PPDPFL: variants seen among roughly 807,000 people sequenced by gnomAD.
PPDPFL encodes the protein pancreatic progenitor cell differentiation and proliferation factor like, also known as pancreatic progenitor cell differentiation and proliferation factor-like protein.
Under a neutral mutation model 12.6 loss-of-function variants are expected in PPDPFL, and 12 were observed. That is an observed-to-expected ratio of 0.95 (90% confidence interval 0.61 to 1.54). The LOEUF is 1.54. PPDPFL is among the 40% of genes most tolerant of loss of function. The pLI, the probability that PPDPFL is intolerant of heterozygous loss-of-function variation, is 0.00. For synonymous variants in PPDPFL, 24 were observed against 32.7 expected, an observed-to-expected ratio of 0.73 and a Z score of 0.91; for missense variants, 114 against 96.0, an observed-to-expected ratio of 1.19 and a Z score of -0.78.
chr8:49,071,607 A>G (rs4873309), upstream of PPDPFL, among the ~76,000 whole-genome samples: 52,189 of 151,694 alleles, frequency 0.34, 9,273 homozygotes, highest in Non-Finnish European at 0.39. Flanking sequence ...AGTGAGCCCA[A>G]ATCGCGCCAC....
At chr8:49,058,936 T>C (rs559400079) in intron 1 of PPDPFL, among the ~76,000 whole-genome samples, 36 of 152,326 alleles carry the variant, frequency 2.4e-4, no homozygotes, top group African/African-American at 7.7e-4. Flanking sequence ...ATAAATATCC[T>C]AATGGCAGGG....
chr8:49,067,352 C>T (rs1808315421), upstream of PPDPFL, among the ~76,000 whole-genome samples: 1 of 152,194 alleles, frequency 6.6e-6, no homozygotes, highest in Non-Finnish European at 1.5e-5. Context: ...AGTGACTATG[C>T]TATGCTTAAT....
intron 1 of PPDPFL, among the ~76,000 whole-genome samples, chr8:49,061,046 G>T (rs573701737): frequency 5.2e-4 from 79 of 152,164 alleles, no homozygotes; most frequent in South Asian, 8.3e-4. Flanking sequence ...TGTTGGAGCT[G>T]ATCCCCTTCA....
rs115297433 is a variant in PPDPFL at position 49,066,306 on chromosome 8, A to G, written c.-44-6481A>G. 2.7e-3 allele frequency among the ~76,000 whole-genome samples: 411 copies of G among 152,296 alleles called. 2 individuals are homozygous for G. The highest frequency in any genetic ancestry group is 9.6e-3 in the African/African-American group (397 of 41,560). On this transcript the variant is annotated intron_variant, in intron 1 of 4. Coordinates refer to the PPDPFL transcript ENST00000517663. The stretch of plus-strand genomic sequence containing the variant: ...GAAGCTAGAGCCAATCGCCTGGCCT[A>G]GGGTTAGCCACTAAGTTCAGCCCGC...
rs771707690 is a variant in PPDPFL at position 49,074,548 on chromosome 8, A to G, written c.233+215A>G. 6.5e-6 allele frequency: 10 copies of G among 1,536,670 alleles called. No homozygotes were observed. In the South Asian group the frequency reaches 7.1e-5, roughly 11 times the overall value. On this transcript the variant is annotated intron_variant, in intron 4 of 4. Transcript: ENST00000522267. ...AGATCATAGCACCCTTTCCAGTTCA[A>G]TCACTCAAGAGTGGTGGAGAAGTCA...
At position 49,074,319 on chromosome 8, in the gene PPDPFL, T is replaced by A; in HGVS notation, c.219T>A (p.Asp73Glu). 1 of 1,613,910 alleles carries A rather than the reference T, an allele frequency of 6.2e-7. No homozygotes were observed. The highest frequency in any genetic ancestry group is 1.7e-5 in the Admixed American group (1 of 60,020). Residue 73 changes from aspartate (D) to glutamate (E), a missense_variant, in exon 4 of 5, where the codon GAT becomes GAA. By Grantham distance (45) the Asp-to-Glu change is conservative (BLOSUM62 2). Transcript: ENST00000522267. ...EPVLSNVRIK[D>E]LSATGLQMST... is the part of the protein sequence containing the mutation. Reference sequence around the variant, plus strand: ...TGCTTTCAAATGTGAGAATAAAAGATCTGTCTGCTACTGGGTGAGTTTTAG... The same window carrying A: ...TGCTTTCAAATGTGAGAATAAAAGAACTGTCTGCTACTGGGTGAGTTTTAG...
At chr8:49,054,850 C>T (rs1395157034) in intron 1 of PPDPFL, among the ~76,000 whole-genome samples, 1 of 152,134 alleles carries the variant, frequency 6.6e-6, no homozygotes, top group East Asian at 1.9e-4. Context: ...ACATATGTGT[C>T]AATATGTTCT....
rs1808486628 is a variant in PPDPFL at position 49,075,682 on chromosome 8, G to A, written c.*509G>A. 5.8e-6 allele frequency: 1 copy of A among 172,380 alleles called. No individual in the cohort carries two copies. The allele number at this position is 172,380 out of a possible 1,614,324, so 10.7% of individuals were successfully genotyped here. A position where few individuals can be genotyped will look rare whatever the true frequency, so the allele number is the denominator to read the frequency against. On this transcript the variant is annotated 3_prime_UTR_variant, in exon 5 of 5. Coordinates refer to ENST00000522267, the MANE Select transcript of PPDPFL (RefSeq NM_001256597.2). ...TTCACATAATGGTTTAAAGGGCATT[G>A]AATTCGAAATTTTAGAAAATAATTG...
At chr8:49,058,288 G>A (rs2129243483) in intron 1 of PPDPFL, among the ~76,000 whole-genome samples, 2 of 152,198 alleles carry the variant, frequency 1.3e-5, no homozygotes, top group East Asian at 3.9e-4. Context: ...TAATTAAATG[G>A]TACAATATGC....
upstream of PPDPFL, among the ~76,000 whole-genome samples, chr8:49,068,763 A>G (rs1563300134): frequency 6.6e-6 from 1 of 152,176 alleles, no homozygotes; most frequent in Non-Finnish European, 1.5e-5. Context: ...ACAGACAATA[A>G]AGGATAAATT....
intron 4 of PPDPFL, chr8:49,074,573 A>G: frequency 2.0e-6 from 3 of 1,536,368 alleles, no homozygotes; most frequent in Non-Finnish European, 8.7e-7. Context: ...TGGAGAAGTC[A>G]TATGCCAAAC....
upstream of PPDPFL, among the ~76,000 whole-genome samples, chr8:49,071,717 T>A (rs1025660882): frequency 2.0e-5 from 3 of 152,120 alleles, no homozygotes; most frequent in African/African-American, 7.2e-5. Flanking sequence ...AAAATCAGAA[T>A]AAAATTTAGC....
intron 1 of PPDPFL, among the ~76,000 whole-genome samples, chr8:49,059,684 G>T (rs13277549): frequency 0.039 from 5,969 of 152,230 alleles, 175 homozygotes; most frequent in Non-Finnish European, 0.06. Context: ...TAATACTTTA[G>T]AAAATTGTCT....
At chr8:49,065,245 C>T (rs1051034855) in intron 1 of PPDPFL, among the ~76,000 whole-genome samples, 5 of 152,286 alleles carry the variant, frequency 3.3e-5, no homozygotes, top group African/African-American at 7.2e-5. Flanking sequence ...CACCTCCCCC[C>T]AGTGTATGAG....
intron 1 of PPDPFL, among the ~76,000 whole-genome samples, chr8:49,064,140 A>G (rs1041637020): frequency 3.3e-5 from 5 of 152,186 alleles, no homozygotes; most frequent in Admixed American, 1.3e-4. Flanking sequence ...ATGCAAAAAA[A>G]CATTCCAGAG....
upstream of PPDPFL, among the ~76,000 whole-genome samples, chr8:49,070,710 A>T (rs547434294): frequency 6.6e-6 from 1 of 152,198 alleles, no homozygotes; most frequent in Non-Finnish European, 1.5e-5. Flanking sequence ...GGTGAAGTAG[A>T]TATTTATTAT....
intron 1 of PPDPFL, among the ~76,000 whole-genome samples, chr8:49,063,012 G>A (rs538465261): frequency 7.2e-5 from 11 of 152,252 alleles, no homozygotes; most frequent in South Asian, 4.2e-4. Flanking sequence ...GGACCTAAGG[G>A]TTGTTCATGC....
chr8:49,075,830 A>G lies in PPDPFL; in HGVS notation c.*657A>G, dbSNP rs1808490270. ...AATTTATGACTTTAAATAATATTTA[A>G]TAACATGGAAAATTATATTATGGCA... On this transcript the variant is annotated 3_prime_UTR_variant, in exon 5 of 5. Coordinates refer to ENST00000522267, the MANE Select transcript of PPDPFL (RefSeq NM_001256597.2). The G allele has an allele frequency of 6.5e-6, 1 of 153,448 alleles. No individual in the cohort carries two copies. The highest frequency in any genetic ancestry group is 2.0e-4 in the South Asian group (1 of 4,940). The allele number at this position is 153,448 out of a possible 1,614,324, so 9.5% of individuals were successfully genotyped here. A position where few individuals can be genotyped will look rare whatever the true frequency, so the allele number is the denominator to read the frequency against.
intron 1 of PPDPFL, among the ~76,000 whole-genome samples, chr8:49,056,174 C>A (rs1808109791): frequency 6.6e-6 from 1 of 152,186 alleles, no homozygotes; most frequent in Admixed American, 6.5e-5. Flanking sequence ...CTACTGACTT[C>A]TCTGAGTACA....
Sources: allele counts gnomAD v4.1 joint callset (sites outside exome capture counted in the v4.1 genomes callset), GRCh38; gene constraint gnomAD v4.1.1; transcripts MANE v1.5; gene names NCBI Gene and HGNC (gene_info 2026-07-23, HGNC 2026-07-21).